Variants in ARAP2 observed in about 807,000 individuals in gnomAD.
ARAP2 encodes the protein ArfGAP with RhoGAP domain, ankyrin repeat and PH domain 2.
ARAP2 carries 148 observed loss-of-function variants against 194.5 expected under a neutral mutation model. The observed-to-expected ratio is 0.76, with a 90% CI of 0.67 to 0.87. The LOEUF (loss-of-function observed/expected upper bound fraction) is 0.87. ARAP2 is among the 40% of genes least tolerant of loss of function. The pLI is 0.00. For missense variants in ARAP2, 2,128 were observed against 1,989.7 expected (o/e 1.07, Z -1.32); for synonymous variants, 695 against 683.5 (o/e 1.02, Z -0.26).
At chr4:36,134,781 C>T (rs748102831) in intron 19 of ARAP2, among the ~76,000 whole-genome samples, 14 of 150,806 alleles carry the variant, frequency 9.3e-5, no homozygotes, top group Non-Finnish European at 1.6e-4. Flanking sequence ...TTCTGTAATA[C>T]ATATTGCCTG....
intron 5 of ARAP2, among the ~76,000 whole-genome samples, chr4:36,045,180 C>G (rs1229947207): frequency 6.6e-6 from 1 of 152,048 alleles, no homozygotes; most frequent in Non-Finnish European, 1.5e-5. Context: ...TCCAGCAATC[C>G]CAGTTCTGGG....
intron 1 of ARAP2, among the ~76,000 whole-genome samples, chr4:36,233,271 G>A (rs1021845616): frequency 6.6e-6 from 1 of 152,122 alleles, no homozygotes; most frequent in Non-Finnish European, 1.5e-5. Flanking sequence ...CGAAATTGAA[G>A]CTCTCCATGT....
intron 9 of ARAP2, among the ~76,000 whole-genome samples, chr4:36,176,487 T>G (rs552160235): frequency 1.3e-5 from 2 of 152,150 alleles, no homozygotes; most frequent in Non-Finnish European, 2.9e-5. Context: ...TCATTTGAAC[T>G]CTATGCAAGT....
chr4:36,222,606 G>A (rs999524267), intron 2 of ARAP2, among the ~76,000 whole-genome samples: 1 of 152,034 alleles, frequency 6.6e-6, no homozygotes, highest in African/African-American at 2.4e-5. Flanking sequence ...GCATGCACGA[G>A]TAGGATAAAC....
intron 26 of ARAP2, among the ~76,000 whole-genome samples, chr4:36,112,511 A>G (rs1043512532): frequency 6.6e-6 from 1 of 151,984 alleles, no homozygotes; most frequent in African/African-American, 2.4e-5. Context: ...CTGACAGTTA[A>G]TCTTTACGCA....
intron 2 of ARAP2, among the ~76,000 whole-genome samples, chr4:36,222,776 T>G (rs919776379): frequency 1.3e-5 from 2 of 152,118 alleles, no homozygotes; most frequent in African/African-American, 4.8e-5. Context: ...TTTTGCATAC[T>G]CTTATGTATG....
At chr4:36,119,777 T>G (rs1276374001) in intron 23 of ARAP2, 59 bp from the exon 24 acceptor site, 1 of 1,187,914 alleles carries the variant, frequency 8.4e-7, no homozygotes, top group East Asian at 2.4e-5. Context: ...GTGATGACAC[T>G]CATCCTCATG....
chr4:36,037,977 T>C (rs1342354148), intron 5 of ARAP2, among the ~76,000 whole-genome samples: 2 of 152,228 alleles, frequency 1.3e-5, no homozygotes, highest in Non-Finnish European at 2.9e-5. Context: ...TTATCCAATA[T>C]GACTGCATTC....
intron 19 of ARAP2, among the ~76,000 whole-genome samples, chr4:36,136,816 T>TGTGTGTGC (rs796925392): frequency 0.035 from 5,005 of 145,060 alleles, 150 homozygotes; most frequent in African/African-American, 0.089. Flanking sequence ...TGTGTGTGTG[T>TGTGTGTGC]GTGCGTGTCT....
intron 1 of ARAP2, among the ~76,000 whole-genome samples, chr4:36,236,113 A>T (rs1752395200): frequency 6.7e-6 from 1 of 148,172 alleles, no homozygotes; most frequent in Non-Finnish European, 1.5e-5. Context: ...CAGGAGGAGG[A>T]GGTTTCAGTG....
intron 10 of ARAP2, chr4:36,006,272 C>T (rs762698862): frequency 6.6e-6 from 1 of 152,162 alleles, no homozygotes; most frequent in African/African-American, 2.4e-5. Context: ...GAAAAACGGA[C>T]AGCTAAGGAA....
intron 27 of ARAP2, among the ~76,000 whole-genome samples, 160 bp from the exon 28 acceptor site, chr4:36,092,180 A>G (rs9997644): frequency 0.014 from 2,171 of 152,306 alleles, 43 homozygotes; most frequent in African/African-American, 0.049. Context: ...TCTGAAGTAT[A>G]GCTATTTATC....
chr4:36,169,342 T>C (rs1736026448), intron 9 of ARAP2, among the ~76,000 whole-genome samples: 1 of 152,154 alleles, frequency 6.6e-6, no homozygotes, highest in Admixed American at 6.5e-5. Context: ...ACCATCATAC[T>C]AGCAGATGGT....
intron 2 of ARAP2, among the ~76,000 whole-genome samples, chr4:36,057,008 G>A (rs1723626764): frequency 1.3e-5 from 2 of 150,144 alleles, no homozygotes; most frequent in Admixed American, 6.6e-5. Context: ...CTTCTACATA[G>A]GACCAATTTC....
At chr4:36,219,284 T>C (rs993352959) in intron 2 of ARAP2, among the ~76,000 whole-genome samples, 2 of 152,162 alleles carry the variant, frequency 1.3e-5, no homozygotes, top group African/African-American at 2.4e-5. Context: ...TATATGTCAA[T>C]GGGCAAATGG....
intron 5 of ARAP2, among the ~76,000 whole-genome samples, chr4:36,211,501 T>C (rs1332756776): frequency 2.0e-5 from 3 of 152,158 alleles, no homozygotes; most frequent in African/African-American, 7.2e-5. Context: ...ATTACATCTT[T>C]CTGGATATAG....
rs1740858226 is a variant in ARAP2 at position 36,187,582 on chromosome 4, T to C, written c.1558-11A>G. On this transcript the variant is annotated splice_polypyrimidine_tract_variant and intron_variant, in intron 7 of 32. Coordinates refer to ENST00000303965, the MANE Select transcript of ARAP2 (RefSeq NM_015230.4). ...TTTCGAATACATCTCCTGTATTGGT[T>C]AGAAAAAAAGAGAAGACATATGAAA... The C allele has an allele frequency of 6.5e-7, 1 of 1,531,088 alleles. No individual in the cohort carries two copies. The allele number at this position is 1,531,088 out of a possible 1,614,324, so 94.8% of individuals were successfully genotyped here.
rs553228399 is a variant in ARAP2 at position 36,179,067 on chromosome 4, C to T, written c.1679-1062G>A. Among the ~76,000 whole-genome samples, 10 of 152,152 alleles carry T rather than the reference C, an allele frequency of 6.6e-5. No individual in the cohort carries two copies. The South Asian group carries it at 2.1e-3, about 32-fold the overall frequency. On this transcript the variant is annotated intron_variant, in intron 8 of 32. Coordinates refer to ENST00000303965, the MANE Select transcript of ARAP2 (RefSeq NM_015230.4). ...CACACGAAAAAAATGGGAAATATGACCAGGGAATTCATACTGCCTGTTTAG... is the reference window on the plus strand; with the variant it reads ...CACACGAAAAAAATGGGAAATATGATCAGGGAATTCATACTGCCTGTTTAG...
intron 5 of ARAP2, among the ~76,000 whole-genome samples, chr4:36,038,293 T>G (rs1720274690): frequency 6.6e-6 from 1 of 152,114 alleles, no homozygotes; most frequent in Admixed American, 6.6e-5. Context: ...CAATTTTAGA[T>G]AAAAGTACTA....
Sources: gnomAD v4.1 joint callset for allele counts (sites outside exome capture counted in the v4.1 genomes callset) on GRCh38, gnomAD v4.1.1 for gene constraint, MANE v1.5 for transcripts, NCBI Gene and HGNC (gene_info 2026-07-23, HGNC 2026-07-21) for gene names.